Variants in KCNH1 observed in about 807,000 individuals in gnomAD.
KCNH1 encodes voltage-gated delayed rectifier potassium channel KCNH1.
Under a neutral mutation model 69.2 loss-of-function variants are expected in KCNH1, and 27 were observed. That is an observed-to-expected ratio of 0.39 (90% CI 0.29 to 0.54). The LOEUF is 0.54. Among genes scored for constraint, KCNH1 ranks in the 20% least tolerant of loss-of-function variants. The pLI is 0.68. For synonymous variants in KCNH1, 456 were observed against 487.7 expected (o/e 0.93, Z 0.86); for missense variants, 798 against 1,261.6 (o/e 0.63, Z 5.57).
At chr1:210,954,958 A>C (rs1357441150) in intron 6 of KCNH1, among the ~76,000 whole-genome samples, 1 of 151,984 alleles carries the variant, frequency 6.6e-6, no homozygotes, top group Non-Finnish European at 1.5e-5. Flanking sequence ...TTGGTGTTTT[A>C]CTCATGAAGT....
intron 7 of KCNH1, among the ~76,000 whole-genome samples, chr1:210,855,624 C>T (rs897342903): frequency 1.3e-5 from 2 of 152,342 alleles, no homozygotes; most frequent in East Asian, 3.9e-4. Flanking sequence ...AGCTGCTCTG[C>T]TAGCACCGTG....
intron 7 of KCNH1, among the ~76,000 whole-genome samples, chr1:210,856,831 A>ATAATT (rs1685853337): frequency 9.5e-6 from 1 of 105,392 alleles, no homozygotes; most frequent in Non-Finnish European, 1.9e-5. Flanking sequence ...TTTTATATAT[A>ATAATT]ATATATATAA....
intron 6 of KCNH1, among the ~76,000 whole-genome samples, chr1:210,920,422 T>C (rs1687435712): frequency 6.6e-6 from 1 of 152,180 alleles, no homozygotes. Context: ...AATGAGATAT[T>C]GCATAATATG....
chr1:210,726,812 G>A (rs987696029), intron 10 of KCNH1, among the ~76,000 whole-genome samples: 4 of 149,652 alleles, frequency 2.7e-5, no homozygotes, highest in South Asian at 2.1e-4. Context: ...TTCCCCGGCG[G>A]GGGTGGGGTG....
chr1:210,744,550 A>C (rs553384886), intron 10 of KCNH1, among the ~76,000 whole-genome samples: 45 of 152,124 alleles, frequency 3.0e-4, no homozygotes, highest in Middle Eastern at 3.4e-3. Flanking sequence ...AGGCTGAGGC[A>C]GGAGAATCAC....
chr1:211,108,992 G>A (rs1572646), intron 1 of KCNH1, among the ~76,000 whole-genome samples: 1 of 152,014 alleles, frequency 6.6e-6, no homozygotes, highest in South Asian at 2.1e-4. Context: ...AAACAGGTAA[G>A]AAAACAATGA....
chr1:210,903,787 C>T (rs921157712), intron 7 of KCNH1, among the ~76,000 whole-genome samples: 1 of 152,202 alleles, frequency 6.6e-6, no homozygotes, highest in Non-Finnish European at 1.5e-5. Context: ...ACTACCAACT[C>T]TCTGCCTCTC....
chr1:210,917,887 C>T (rs886659354), intron 7 of KCNH1, among the ~76,000 whole-genome samples: 1 of 152,132 alleles, frequency 6.6e-6, no homozygotes, highest in African/African-American at 2.4e-5. Context: ...TGAGAAAGCA[C>T]CTCAAATTCT....
chr1:210,850,729 G>A (rs1685682606), intron 7 of KCNH1, among the ~76,000 whole-genome samples: 1 of 152,154 alleles, frequency 6.6e-6, no homozygotes, highest in Admixed American at 6.5e-5. Flanking sequence ...CCAAGAGGCA[G>A]AACAATGCCA....
At chr1:211,039,754 C>T (rs910528221) in intron 5 of KCNH1, among the ~76,000 whole-genome samples, 15 of 152,198 alleles carry the variant, frequency 9.9e-5, no homozygotes, top group Non-Finnish European at 2.9e-5. Flanking sequence ...GGAACAGCTG[C>T]ATTTACCCAG....
intron 5 of KCNH1, among the ~76,000 whole-genome samples, chr1:211,077,285 G>A (rs971911894): frequency 3.3e-5 from 5 of 151,712 alleles, no homozygotes; most frequent in East Asian, 1.9e-4. Flanking sequence ...TCGGAACAGC[G>A]ACCCCAAGAT....
At chr1:211,112,511 A>C (rs1298826978) in intron 1 of KCNH1, among the ~76,000 whole-genome samples, 6 of 150,528 alleles carry the variant, frequency 4.0e-5, no homozygotes, top group Non-Finnish European at 8.9e-5. Flanking sequence ...TAAAAAAAAA[A>C]AAAAAAAAAA....
At chr1:211,002,330 G>A (rs1185049376) in intron 6 of KCNH1, among the ~76,000 whole-genome samples, 3 of 135,382 alleles carry the variant, frequency 2.2e-5, no homozygotes, top group Admixed American at 7.1e-5. Flanking sequence ...ATATATATGT[G>A]TGTGTGTGTA....
intron 9 of KCNH1, among the ~76,000 whole-genome samples, chr1:210,783,213 T>C (rs76134960): frequency 5.4e-3 from 822 of 152,350 alleles, no homozygotes; most frequent in Non-Finnish European, 9.8e-3. Flanking sequence ...GTCTCCATGC[T>C]GGCAAAGGAA....
rs1385379105 is a variant in KCNH1 at position 210,926,676 on chromosome 1, A to T, written c.1033-6607T>A. On this transcript the variant is annotated intron_variant, in intron 6 of 10. Transcript: ENST00000271751. ...CAAGCTTCTTTAACCCCCGCAAAAG[A>T]TCATACCAGCTCACCAGCAACGGAT... 2.0e-5 allele frequency among the ~76,000 whole-genome samples: 3 copies of T among 152,186 alleles called. No homozygotes were observed. In the East Asian group the frequency reaches 5.8e-4, roughly 29 times the overall value.
At chr1:211,108,175 A>G (rs1268549584) in intron 1 of KCNH1, among the ~76,000 whole-genome samples, 1 of 152,232 alleles carries the variant, frequency 6.6e-6, no homozygotes, top group Non-Finnish European at 1.5e-5. Context: ...TTTGAAAATC[A>G]GTCGTCAATA....
intron 5 of KCNH1, among the ~76,000 whole-genome samples, chr1:211,027,098 CA>C (rs1689697966): frequency 1.3e-5 from 2 of 152,066 alleles, no homozygotes; most frequent in Non-Finnish European, 2.9e-5. Flanking sequence ...GAATGAAAAA[CA>C]GGTAATCAAT....
At chr1:210,913,498 A>G (rs1379391899) in intron 7 of KCNH1, among the ~76,000 whole-genome samples, 1 of 152,184 alleles carries the variant, frequency 6.6e-6, no homozygotes, top group African/African-American at 2.4e-5. Context: ...ATACATCATT[A>G]TCTCATTTAG....
At chr1:210,878,595 A>T (rs922369287) in intron 7 of KCNH1, among the ~76,000 whole-genome samples, 16 of 151,882 alleles carry the variant, frequency 1.1e-4, no homozygotes, top group Non-Finnish European at 2.1e-4. Context: ...AACTAAATTT[A>T]AAAAAAACAC....
Sources: gnomAD v4.1 joint callset for allele counts (sites outside exome capture counted in the v4.1 genomes callset) on GRCh38, gnomAD v4.1.1 for gene constraint, MANE v1.5 for transcripts, NCBI Gene and HGNC (gene_info 2026-07-23, HGNC 2026-07-21) for gene names.